Variants in CAPZB observed in about 807,000 individuals in gnomAD.
The protein encoded by CAPZB is F-actin-capping protein subunit beta.
A neutral mutation model predicts 38.1 loss-of-function variants in CAPZB; 2 were observed. The observed-to-expected ratio is 0.05, with a 90% CI of 0.02 to 0.17. CAPZB has a LOEUF of 0.17. CAPZB is among the 10% of genes least tolerant of loss of function. CAPZB has a pLI of 1.00. For missense variants in CAPZB, 161 were observed against 334.2 expected, an observed-to-expected ratio of 0.48 and a Z score of 4.04; for synonymous variants, 107 against 127.4, an observed-to-expected ratio of 0.84 and a Z score of 1.08.
At chr1:19,348,906 A>G (rs948327660) in intron 6 of CAPZB, among the ~76,000 whole-genome samples, 2 of 152,088 alleles carry the variant, frequency 1.3e-5, no homozygotes, top group African/African-American at 2.4e-5. Flanking sequence ...GAAATGCTAG[A>G]AAGACCGGCT....
chr1:19,343,770 TGA>T (rs2093945787), intron 8 of CAPZB, among the ~76,000 whole-genome samples: 1 of 152,198 alleles, frequency 6.6e-6, no homozygotes, highest in South Asian at 2.1e-4. Context: ...ACTGCAGAGC[TGA>T]GGGCACGAGG....
intron 3 of CAPZB, among the ~76,000 whole-genome samples, chr1:19,383,337 T>C (rs2094185838): frequency 6.6e-6 from 1 of 151,478 alleles, no homozygotes; most frequent in African/African-American, 2.4e-5. Flanking sequence ...TCCCAGCTAC[T>C]TGGGAGGCTG....
At chr1:19,446,754 A>C (rs1237995104) in intron 1 of CAPZB, among the ~76,000 whole-genome samples, 1 of 152,224 alleles carries the variant, frequency 6.6e-6, no homozygotes, top group Admixed American at 6.5e-5. Flanking sequence ...GAATATAAAA[A>C]TTTACTATCA....
intron 1 of CAPZB, among the ~76,000 whole-genome samples, chr1:19,421,818 A>G (rs926188909): frequency 6.6e-6 from 1 of 152,208 alleles, no homozygotes; most frequent in Non-Finnish European, 1.5e-5. Flanking sequence ...GAGAGTGACA[A>G]TAATTTAGTA....
At chr1:19,344,501 A>C (rs1569863764) in intron 7 of CAPZB, 67 bp from the exon 8 acceptor site, 11 of 1,246,260 alleles carry the variant, frequency 8.8e-6, no homozygotes, top group African/African-American at 1.5e-5. Context: ...CCCTCCCTCC[A>C]CCTGCCAGCC....
At chr1:19,413,655 T>C (rs1024529936) in intron 2 of CAPZB, among the ~76,000 whole-genome samples, 1 of 152,230 alleles carries the variant, frequency 6.6e-6, no homozygotes, top group Admixed American at 6.5e-5. Context: ...ATTTTAAATG[T>C]TGTCTTTGAA....
intron 8 of CAPZB, 37 bp downstream of exon 8, chr1:19,344,317 CCTCT>C: frequency 1.3e-6 from 2 of 1,533,868 alleles, no homozygotes; most frequent in Non-Finnish European, 1.8e-6. Flanking sequence ...GGTTCAAATC[CCTCT>C]GTCTGCTTCT....
chr1:19,439,935 C>T (rs1343521491), intron 1 of CAPZB, among the ~76,000 whole-genome samples: 2 of 152,210 alleles, frequency 1.3e-5, no homozygotes, highest in Non-Finnish European at 2.9e-5. Flanking sequence ...ACATCCAGAA[C>T]CTCAGCAGTC....
chr1:19,383,532 A>C (rs139922555), intron 3 of CAPZB, among the ~76,000 whole-genome samples: 82 of 152,036 alleles, frequency 5.4e-4, no homozygotes, highest in African/African-American at 1.9e-3. Flanking sequence ...TCACTGCACT[A>C]CAGCCTGGGC....
intron 1 of CAPZB, among the ~76,000 whole-genome samples, chr1:19,428,130 T>C (rs1407051189): frequency 6.6e-6 from 1 of 152,178 alleles, no homozygotes; most frequent in Admixed American, 6.5e-5. Flanking sequence ...GGGCTGGACA[T>C]AGTGGCTCAC....
Position 19,441,877 on chromosome 1 carries a change from G to A in CAPZB, c.4-22127C>T, listed in dbSNP as rs535082200. On this transcript the variant is annotated intron_variant, in intron 1 of 8. Transcript: ENST00000264202. ...ACAAAAATTAGCTGGGCGTGGTGGT[G>A]GATGCCTTGTAATCCCAGCTACTTG... Among the ~76,000 whole-genome samples the A allele has an allele frequency of 3.9e-5, 6 of 152,000 alleles. No individual in the cohort carries two copies. In the South Asian group the frequency reaches 1.3e-3, roughly 32 times the overall value.
chr1:19,468,890 C>T (rs1482976756), intron 1 of CAPZB, among the ~76,000 whole-genome samples: 2 of 152,198 alleles, frequency 1.3e-5, no homozygotes, highest in East Asian at 1.9e-4. Context: ...CCCTGGGACC[C>T]GTGCCTTGAA....
intron 1 of CAPZB, chr1:19,484,254 G>A (rs760175329): frequency 4.3e-6 from 7 of 1,612,352 alleles, no homozygotes; most frequent in African/African-American, 2.7e-5. Flanking sequence ...CAGAGGGAAG[G>A]GGAGGCTGCG....
intron 1 of CAPZB, among the ~76,000 whole-genome samples, chr1:19,441,724 G>A (rs1422524654): frequency 1.3e-5 from 2 of 151,482 alleles, no homozygotes. Context: ...AAGCTCAGGA[G>A]AGGCCGGGCA....
At chr1:19,440,821 G>A (rs537510062) in intron 1 of CAPZB, among the ~76,000 whole-genome samples, 2 of 152,326 alleles carry the variant, frequency 1.3e-5, no homozygotes, top group South Asian at 4.1e-4. Flanking sequence ...AGCACTTTGG[G>A]AGGCCGAGGA....
intron 7 of CAPZB, 62 bp from the exon 8 acceptor site, chr1:19,344,496 C>T: frequency 5.5e-6 from 7 of 1,261,638 alleles, no homozygotes; most frequent in Non-Finnish European, 8.1e-6. Context: ...CCACGCCCTC[C>T]CTCCACCTGC....
At chr1:19,404,714 T>C (rs1365881355) in intron 2 of CAPZB, among the ~76,000 whole-genome samples, 1 of 152,042 alleles carries the variant, frequency 6.6e-6, no homozygotes, top group Non-Finnish European at 1.5e-5. Context: ...GCAGGCTGCT[T>C]TTGACAAGGG....
rs2093913403 is a variant in CAPZB, at chr1:19,339,082, AACTCCCAAAC to A, written c.*438_*447del. The A allele has an allele frequency of 3.3e-5, 5 of 149,374 alleles. No homozygotes were observed. Among genetic ancestry groups the A allele is most frequent in the African/African-American group, 1.3e-4 (5 of 39,026 alleles). The allele number at this position is 149,374 out of a possible 1,614,324, so 9.3% of individuals were successfully genotyped here. On this transcript the variant is annotated 3_prime_UTR_variant, in exon 9 of 9. Transcript: ENST00000264202. ...GTCCCCACGACCCCCAACCCCAAGCAACTCCCAAACACACACGGAATAAGATTTCCAGTTT... is the reference window on the plus strand; with the variant it reads ...GTCCCCACGACCCCCAACCCCAAGCAACACACGGAATAAGATTTCCAGTTT...
chr1:19,474,237 C>T (rs745679570), intron 1 of CAPZB, among the ~76,000 whole-genome samples: 71 of 152,314 alleles, frequency 4.7e-4, no homozygotes, highest in African/African-American at 6.5e-4. Flanking sequence ...TCAAGCAATC[C>T]ACCTGCCTCA....
Sources: allele counts gnomAD v4.1 joint callset (sites outside exome capture counted in the v4.1 genomes callset), GRCh38; gene constraint gnomAD v4.1.1; transcripts MANE v1.5; gene names NCBI Gene and HGNC (gene_info 2026-07-23, HGNC 2026-07-21).